SRP72: variants seen among roughly 807,000 people sequenced by gnomAD.
SRP72 encodes the protein signal recognition particle subunit SRP72.
A neutral mutation model predicts 96.3 loss-of-function variants in SRP72; 49 were observed. The ratio of observed to expected loss-of-function variants is 0.51; its 90% CI spans 0.40 to 0.65. SRP72 has a LOEUF of 0.65. SRP72 is among the 30% of genes least tolerant of loss of function. The probability of loss-of-function intolerance (pLI) is 0.00; values close to 1 mark genes in which losing one functional copy is unlikely to be tolerated. For synonymous variants in SRP72, 267 were observed against 275.2 expected (o/e 0.97, Z 0.30); for missense variants, 736 against 793.3 (o/e 0.93, Z 0.87).
At chr4:56,471,596 TA>T in intron 2 of SRP72, 123 bp from the exon 3 acceptor site, 1 of 1,132,856 alleles carries the variant, frequency 8.8e-7, no homozygotes, top group South Asian at 1.8e-5. Context: ...GACAAGTCTC[TA>T]ACCTTTGTCA....
rs1228032846 is a variant in SRP72 at position 56,502,494 on chromosome 4, T to TAC, written c.*635_*636dup. 7.6e-5 allele frequency: 7 copies of TAC among 92,374 alleles called. No homozygotes were observed. Among genetic ancestry groups the TAC allele is most frequent in the African/African-American group, 5.0e-5 (1 of 20,050 alleles). 5.7% of individuals were successfully genotyped at this position (92,374 alleles called of 1,614,324 possible). A position where few individuals can be genotyped will look rare whatever the true frequency, so the allele number is the denominator to read the frequency against. On this transcript the variant is annotated 3_prime_UTR_variant, in exon 19 of 19. Transcript: ENST00000642900. ...ATATATATATATATGTATATATATA[T>TAC]ACATATATATATATATATAAACATG... is the stretch of plus-strand genomic sequence containing the variant.
intron 13 of SRP72, among the ~76,000 whole-genome samples, chr4:56,489,785 G>C (rs1156580311): frequency 6.6e-6 from 1 of 152,106 alleles, no homozygotes; most frequent in Non-Finnish European, 1.5e-5. Flanking sequence ...ATATTTAAGA[G>C]ATCGTCTTAA....
chr4:56,501,714 C>T lies in SRP72; in HGVS notation c.1869C>T (p.Pro623=). 6.2e-7 allele frequency: 1 copy of T among 1,613,980 alleles called. No homozygotes were observed. Among genetic ancestry groups the T allele is most frequent in the Non-Finnish European group, 8.5e-7 (1 of 1,179,990 alleles). ...LDASKTVSSP[P]TSPRPGSAAT... ...CCAGTAAAACTGTGAGCAGCCCACC[C>T]ACCTCCCCAAGACCTGGCAGTGCTG... The change falls in exon 19 of 19, where the codon CCC becomes CCT. Residue 623 remains proline, a synonymous_variant. Transcript: ENST00000642900.
At chr4:56,494,182 G>A (rs202231096) in intron 16 of SRP72, among the ~76,000 whole-genome samples, 1 of 147,926 alleles carries the variant, frequency 6.8e-6, no homozygotes, top group African/African-American at 2.5e-5. Flanking sequence ...TTGCACACTG[G>A]GTAAGAGATG....
In SRP72 at chr4:56,503,468, C is replaced by T. The variant is rs1721334214; in HGVS notation, c.*1607C>T. The T allele has an allele frequency of 6.6e-6, 1 of 152,196 alleles. No individual in the cohort carries two copies. The highest frequency in any genetic ancestry group is 2.1e-4 in the South Asian group (1 of 4,830). The allele number at this position is 152,196 out of a possible 1,614,324, so 9.4% of individuals were successfully genotyped here. ...ATTAGTCATTGCTAAGCAACTAAAA[C>T]TTCATCAGTTCAAATAAGTTTTAAT... On this transcript the variant is annotated 3_prime_UTR_variant, in exon 19 of 19. Coordinates refer to ENST00000642900, the MANE Select transcript of SRP72 (RefSeq NM_006947.4).
chr4:56,495,057 A>C (rs537978625), intron 16 of SRP72, among the ~76,000 whole-genome samples: 1 of 152,304 alleles, frequency 6.6e-6, no homozygotes, highest in South Asian at 2.1e-4. Flanking sequence ...ATGCTTGTGC[A>C]AATTACTTTT....
chr4:56,474,291 C>T lies in SRP72; in HGVS notation c.510C>T (p.Gly170=). Residue 170 remains glycine, a synonymous_variant, in exon 5 of 19, where the codon GGC becomes GGT. Coordinates refer to ENST00000642900, the MANE Select transcript of SRP72 (RefSeq NM_006947.4). ...NWEKVVPENL[G]LQEGTHELCY... ...TTGTCCCCTGACAGGAGAACCTGGG[C>T]CTCCAAGAAGGCACACATGAGCTGT... 1 of 1,613,896 alleles carries T rather than the reference C, an allele frequency of 6.2e-7. No homozygotes were observed. The highest frequency in any genetic ancestry group is 8.5e-7 in the Non-Finnish European group (1 of 1,179,936).
rs1263044926 is a variant in SRP72, at chr4:56,490,329, G to A, written c.1321-4G>A. On this transcript the variant is annotated splice_region_variant and splice_polypyrimidine_tract_variant and intron_variant, in intron 13 of 18. Coordinates refer to ENST00000642900, the MANE Select transcript of SRP72 (RefSeq NM_006947.4). Reference sequence around the variant, plus strand: ...CTTTTTTTTTCTTTTTATTGAAACTGTAGCCAAAATCTCCTGCTCATTTGT... The same window carrying A: ...CTTTTTTTTTCTTTTTATTGAAACTATAGCCAAAATCTCCTGCTCATTTGT... The A allele has an allele frequency of 6.2e-7, 1 of 1,604,306 alleles. No individual in the cohort carries two copies. The highest frequency in any genetic ancestry group is 2.2e-5 in the East Asian group (1 of 44,794).
intron 1 of SRP72, among the ~76,000 whole-genome samples, chr4:56,469,102 A>C (rs1719863792): frequency 6.6e-6 from 1 of 152,236 alleles, no homozygotes; most frequent in South Asian, 2.1e-4. Context: ...ATACTTTATA[A>C]GATTTTTCCA....
At chr4:56,468,633 GCTAT>G (rs1454836563) in intron 1 of SRP72, among the ~76,000 whole-genome samples, 4 of 152,070 alleles carry the variant, frequency 2.6e-5, no homozygotes, top group Non-Finnish European at 5.9e-5. Context: ...AACATGCAAA[GCTAT>G]CTAAGTAATT....
chr4:56,478,735 G>T, intron 8 of SRP72, 86 bp downstream of exon 8: 1 of 1,374,822 alleles, frequency 7.3e-7, no homozygotes, highest in African/African-American at 1.5e-5. Flanking sequence ...GATAGCCTAA[G>T]TGTTCTTTTT....
At chr4:56,489,008 A>G (rs531591175) in intron 12 of SRP72, 67 of 156,770 alleles carry the variant, frequency 4.3e-4, no homozygotes, top group African/African-American at 1.5e-3. Context: ...CTCATGCCAC[A>G]TGGGATTCAT....
chr4:56,471,891 T>A, intron 3 of SRP72, 48 bp downstream of exon 3: 1 of 1,605,200 alleles, frequency 6.2e-7, no homozygotes. Context: ...TGAGTGAGCA[T>A]GACTACCTCT....
intron 10 of SRP72, among the ~76,000 whole-genome samples, chr4:56,485,400 C>CCAAAAAAAAAAAA (rs766330733): frequency 1.1e-5 from 1 of 92,408 alleles, no homozygotes; most frequent in Non-Finnish European, 2.5e-5. Context: ...CTCCCCACAG[C>CCAAAAAAAAAAAA]AAAAAAAAAA....
At position 56,483,191 on chromosome 4, in the gene SRP72, G is replaced by T. The variant is rs1235039518; in HGVS notation, c.878G>T (p.Gly293Val). The T allele has an allele frequency of 6.2e-7, 1 of 1,612,016 alleles. No homozygotes were observed. The highest frequency in any genetic ancestry group is 2.2e-5 in the East Asian group (1 of 44,782). Residue 293 changes from glycine (G) to valine (V), a missense_variant, in exon 9 of 19, where the codon GGA (glycine) becomes GTA (valine). Transcript: ENST00000642900. The part of the protein sequence containing the change: ...KKKVKLTNAE[G>V]VEFKLSKKQL... Reference sequence around the variant, plus strand: ...AAAGTGAAATTAACCAATGCGGAAGGAGTAGAGTTTAAGCTTTCCAAGAAA... The same window carrying T: ...AAAGTGAAATTAACCAATGCGGAAGTAGTAGAGTTTAAGCTTTCCAAGAAA...
At chr4:56,497,307 C>T (rs182789231) in intron 17 of SRP72, among the ~76,000 whole-genome samples, 4,210 of 151,384 alleles carry the variant, frequency 0.028, 214 homozygotes, top group African/African-American at 0.097. Flanking sequence ...GCAAGCTCCA[C>T]CTCCCAGGTT....
chr4:56,484,912 C>A, intron 10 of SRP72, 48 bp downstream of exon 10: 3 of 1,589,618 alleles, frequency 1.9e-6, no homozygotes, highest in Non-Finnish European at 2.6e-6. Context: ...AGCTTTGTTT[C>A]ATTTTCATTG....
intron 17 of SRP72, among the ~76,000 whole-genome samples, chr4:56,498,562 C>A (rs1306448875): frequency 2.0e-5 from 3 of 152,206 alleles, no homozygotes; most frequent in Non-Finnish European, 4.4e-5. Context: ...TGATAAGCAA[C>A]TTCAGCAAAG....
At position 56,502,755 on chromosome 4, in the gene SRP72, A is replaced by G. The variant is rs1477859820; in HGVS notation, c.*894A>G. On this transcript the variant is annotated 3_prime_UTR_variant, in exon 19 of 19. Transcript: ENST00000642900. ...GAGAAGAAATCAGTATCTGAGTTGC[A>G]TACCAGGCAGTATTAAAATCTAACA... is the stretch of plus-strand genomic sequence containing the variant. The G allele has an allele frequency of 2.6e-5, 4 of 152,132 alleles. No homozygotes were observed. Among genetic ancestry groups the G allele is most frequent in the Admixed American group, 2.6e-4 (4 of 15,258 alleles). The allele number at this position is 152,132 out of a possible 1,614,324, so 9.4% of individuals were successfully genotyped here. A position where few individuals can be genotyped will look rare whatever the true frequency, so the allele number is the denominator to read the frequency against.
Sources: allele counts gnomAD v4.1 joint callset (sites outside exome capture counted in the v4.1 genomes callset), GRCh38; gene constraint gnomAD v4.1.1; transcripts MANE v1.5; gene names NCBI Gene and HGNC (gene_info 2026-07-23, HGNC 2026-07-21).